Variants in PHACTR1 observed in about 807,000 individuals in gnomAD.
PHACTR1 encodes phosphatase and actin regulator 1.
Under a neutral mutation model 69.2 loss-of-function variants are expected in PHACTR1, and 16 were observed. The observed-to-expected ratio is 0.23, with a 90% CI of 0.16 to 0.35. The LOEUF (loss-of-function observed/expected upper bound fraction) is 0.35. Among genes scored for constraint, PHACTR1 ranks in the 10% least tolerant of loss-of-function variants. PHACTR1 has a pLI of 1.00. For missense variants in PHACTR1, 510 were observed against 734.7 expected (o/e 0.69, Z 3.54); for synonymous variants, 312 against 284.5 (o/e 1.10, Z -0.97).
At chr6:13,157,619 C>T (rs749198945) in intron 5 of PHACTR1, among the ~76,000 whole-genome samples, 5 of 152,242 alleles carry the variant, frequency 3.3e-5, no homozygotes, top group Non-Finnish European at 4.4e-5. Context: ...CACCTCATTG[C>T]AGATCTTCCT....
chr6:12,931,395 C>T (rs1562023881), intron 4 of PHACTR1, among the ~76,000 whole-genome samples: 3 of 152,124 alleles, frequency 2.0e-5, no homozygotes, highest in Non-Finnish European at 4.4e-5. Flanking sequence ...GTTATAAGCA[C>T]AATAGCTATG....
intron 8 of PHACTR1, among the ~76,000 whole-genome samples, chr6:13,222,977 A>G (rs1030919452): frequency 6.6e-6 from 1 of 152,222 alleles, no homozygotes; most frequent in African/African-American, 2.4e-5. Flanking sequence ...TTAATATTTT[A>G]TTGAATATTG....
At chr6:12,977,070 A>G (rs889049590) in intron 4 of PHACTR1, among the ~76,000 whole-genome samples, 2 of 151,992 alleles carry the variant, frequency 1.3e-5, no homozygotes, top group Non-Finnish European at 2.9e-5. Context: ...GGTTCAAGCT[A>G]TTCTCCTGCC....
intron 3 of PHACTR1, among the ~76,000 whole-genome samples, chr6:12,745,774 T>C (rs747406458): frequency 1.3e-5 from 2 of 152,180 alleles, no homozygotes. Flanking sequence ...CACTAGAGTA[T>C]TGGAGTTAGG....
At chr6:12,753,966 A>ATT (rs1428965785) in intron 4 of PHACTR1, among the ~76,000 whole-genome samples, 21 of 39,620 alleles carry the variant, frequency 5.3e-4, no homozygotes, top group East Asian at 2.8e-3. Flanking sequence ...ATATATATAT[A>ATT]TATATTTTTT....
At chr6:13,109,910 C>T (rs75183636) in intron 5 of PHACTR1, among the ~76,000 whole-genome samples, 2,137 of 150,988 alleles carry the variant, frequency 0.014, 54 homozygotes, top group African/African-American at 0.049. Flanking sequence ...TCTTCAAGTT[C>T]GCTGATCTTT....
intron 4 of PHACTR1, among the ~76,000 whole-genome samples, chr6:13,041,339 TACACACACACACACACAC>T (rs368368056): frequency 2.2e-5 from 3 of 135,366 alleles, no homozygotes; most frequent in Non-Finnish European, 3.1e-5. Context: ...TTAAAATACA[TACACACACACACACACAC>T]ACACACACAC....
At chr6:13,198,162 A>G (rs1384107359) in intron 7 of PHACTR1, among the ~76,000 whole-genome samples, 1 of 152,264 alleles carries the variant, frequency 6.6e-6, no homozygotes, top group Admixed American at 6.5e-5. Context: ...AGTTCATTCT[A>G]GCAGGTAAAA....
chr6:13,134,726 T>C (rs971693056), intron 5 of PHACTR1, among the ~76,000 whole-genome samples: 2 of 142,684 alleles, frequency 1.4e-5, no homozygotes, highest in African/African-American at 5.4e-5. Flanking sequence ...TGACCTTCCC[T>C]CCACTATTGT....
intron 4 of PHACTR1, among the ~76,000 whole-genome samples, chr6:12,855,143 T>TATCA (rs1780221557): frequency 6.6e-6 from 1 of 152,220 alleles, no homozygotes; most frequent in African/African-American, 2.4e-5. Context: ...CCTAGGTGCC[T>TATCA]ATCAATGGTG....
At chr6:13,218,984 T>C (rs907923761) in intron 8 of PHACTR1, among the ~76,000 whole-genome samples, 2 of 152,034 alleles carry the variant, frequency 1.3e-5, no homozygotes, top group Non-Finnish European at 2.9e-5. Context: ...CATCTCCTAC[T>C]TAGTTTAACA....
chr6:12,942,573 CG>C (rs1790166228), intron 4 of PHACTR1, among the ~76,000 whole-genome samples: 1 of 152,232 alleles, frequency 6.6e-6, no homozygotes, highest in Middle Eastern at 3.4e-3. Flanking sequence ...ACAGGAGAAT[CG>C]CTTGAACCCA....
At chr6:12,910,496 A>C (rs953839176) in intron 4 of PHACTR1, among the ~76,000 whole-genome samples, 1 of 152,232 alleles carries the variant, frequency 6.6e-6, no homozygotes, top group Non-Finnish European at 1.5e-5. Context: ...TTTTTTCTCT[A>C]GGAAAATGTA....
chr6:12,915,438 C>T (rs778160214), intron 4 of PHACTR1, among the ~76,000 whole-genome samples: 12 of 145,430 alleles, frequency 8.3e-5, no homozygotes, highest in Non-Finnish European at 1.3e-4. Context: ...ACCCAGGAGG[C>T]AGAGGTTGCA....
chr6:13,228,659 C>T (rs80031920), intron 9 of PHACTR1, among the ~76,000 whole-genome samples: 2,691 of 152,308 alleles, frequency 0.018, 73 homozygotes, highest in African/African-American at 0.062. Context: ...ATGAGAATAG[C>T]AACCATGCAT....
intron 5 of PHACTR1, among the ~76,000 whole-genome samples, chr6:13,131,731 A>C (rs930595505): frequency 6.6e-6 from 1 of 152,310 alleles, no homozygotes; most frequent in East Asian, 1.9e-4. Context: ...TTCTGCTTTG[A>C]AAATGGTTAA....
chr6:13,070,282 C>T lies in PHACTR1; in HGVS notation c.415+16753C>T, dbSNP rs180951417. ...GAATTCTTTGACCTTTTCCCTTTGA[C>T]TTTTATTCACTAAAAACTTAATAAT... On this transcript the variant is annotated intron_variant, in intron 5 of 14. Coordinates refer to ENST00000332995, the MANE Select transcript of PHACTR1 (RefSeq NM_030948.6). Among the ~76,000 whole-genome samples, 46 of 152,204 alleles carry T rather than the reference C, an allele frequency of 3.0e-4. 1 individual carries two copies. In the East Asian group the frequency reaches 7.9e-3, roughly 26 times the overall value.
At chr6:12,933,374 A>C (rs1789084056) in intron 4 of PHACTR1, among the ~76,000 whole-genome samples, 3 of 152,226 alleles carry the variant, frequency 2.0e-5, no homozygotes, top group African/African-American at 7.2e-5. Flanking sequence ...TAAAATGTTC[A>C]TGGAAAAGGA....
intron 4 of PHACTR1, among the ~76,000 whole-genome samples, chr6:12,981,453 T>C (rs1419555989): frequency 6.6e-6 from 1 of 152,238 alleles, no homozygotes; most frequent in Non-Finnish European, 1.5e-5. Flanking sequence ...ATTTCCCTTC[T>C]TTCTCCTATT....
Sources: gnomAD v4.1 joint callset for allele counts (sites outside exome capture counted in the v4.1 genomes callset) on GRCh38, gnomAD v4.1.1 for gene constraint, MANE v1.5 for transcripts, NCBI Gene and HGNC (gene_info 2026-07-23, HGNC 2026-07-21) for gene names.